SGCZ: variants seen among roughly 807,000 people sequenced by gnomAD.
SGCZ encodes sarcoglycan zeta.
SGCZ carries 40 observed loss-of-function variants against 41.3 expected under a neutral mutation model. That is an observed-to-expected ratio of 0.97 (90% CI 0.75 to 1.26). The LOEUF is 1.26. Ranked by LOEUF, SGCZ falls within the 50% of genes most tolerant of loss-of-function variation. SGCZ has a pLI of 0.00. For missense variants in SGCZ, 552 were observed against 369.8 expected (o/e 1.49, Z -4.04); for synonymous variants, 206 against 137.5 (o/e 1.50, Z -3.49).
intron 1 of SGCZ, among the ~76,000 whole-genome samples, chr8:14,702,030 CT>C (rs1809154447): frequency 6.6e-6 from 1 of 151,878 alleles, no homozygotes; most frequent in African/African-American, 2.4e-5. Flanking sequence ...CTGTCTCCAC[CT>C]TCTTCAGTCT....
At chr8:14,578,946 T>G (rs962420826) in intron 1 of SGCZ, among the ~76,000 whole-genome samples, 2 of 152,320 alleles carry the variant, frequency 1.3e-5, no homozygotes, top group South Asian at 2.1e-4. Flanking sequence ...TGTCGTTTAC[T>G]TTAGGATCTA....
intron 5 of SGCZ, among the ~76,000 whole-genome samples, chr8:14,120,841 G>C (rs989111478): frequency 6.6e-6 from 1 of 152,122 alleles, no homozygotes; most frequent in African/African-American, 2.4e-5. Flanking sequence ...CTATCCTAAA[G>C]TTAATAATTT....
intron 1 of SGCZ, among the ~76,000 whole-genome samples, chr8:15,103,010 A>G (rs1428885529): frequency 6.6e-6 from 1 of 152,196 alleles, no homozygotes; most frequent in African/African-American, 2.4e-5. Context: ...TAACAATATA[A>G]TGTAATATAA....
intron 2 of SGCZ, among the ~76,000 whole-genome samples, chr8:14,422,204 A>T (rs1178908571): frequency 6.6e-6 from 1 of 152,188 alleles, no homozygotes. Flanking sequence ...AATGAGATAA[A>T]CATTTTATTC....
At chr8:15,101,212 A>G (rs557609298) in intron 1 of SGCZ, among the ~76,000 whole-genome samples, 46 of 152,186 alleles carry the variant, frequency 3.0e-4, no homozygotes, top group South Asian at 4.1e-4. Context: ...GAACACACCA[A>G]ATGTATAATC....
At chr8:14,873,597 G>A (rs970546344) in intron 1 of SGCZ, among the ~76,000 whole-genome samples, 1 of 152,048 alleles carries the variant, frequency 6.6e-6, no homozygotes, top group Non-Finnish European at 1.5e-5. Context: ...ACTGTTCATG[G>A]ATGGACTTAA....
At chr8:14,735,641 C>T (rs927886460) in intron 1 of SGCZ, among the ~76,000 whole-genome samples, 12 of 152,138 alleles carry the variant, frequency 7.9e-5, no homozygotes, top group Admixed American at 7.9e-4. Flanking sequence ...TGCAGATGGC[C>T]TATAGTGAGA....
chr8:14,357,822 A>G (rs977608527), intron 2 of SGCZ, among the ~76,000 whole-genome samples: 1 of 152,148 alleles, frequency 6.6e-6, no homozygotes, highest in African/African-American at 2.4e-5. Flanking sequence ...AAAGTAGAGA[A>G]ACTGGTATTT....
At chr8:14,859,756 C>T (rs1016989364) in intron 1 of SGCZ, among the ~76,000 whole-genome samples, 1 of 151,974 alleles carries the variant, frequency 6.6e-6, no homozygotes, top group Non-Finnish European at 1.5e-5. Flanking sequence ...TGTAAGCCAG[C>T]GAAATATGAG....
chr8:15,091,104 GGTAGA>G (rs1224038916), intron 1 of SGCZ, among the ~76,000 whole-genome samples: 1 of 152,164 alleles, frequency 6.6e-6, no homozygotes. Context: ...TACTTGAACT[GGTAGA>G]GTAATCTTAA....
intron 1 of SGCZ, among the ~76,000 whole-genome samples, chr8:15,101,704 G>T (rs755725961): frequency 2.4e-4 from 37 of 152,160 alleles, no homozygotes; most frequent in African/African-American, 3.9e-4. Flanking sequence ...GATGAGGCAG[G>T]CAGATACTTG....
chr8:14,487,804 T>C (rs756242248), intron 2 of SGCZ: 2 of 151,434 alleles, frequency 1.3e-5, no homozygotes, highest in Non-Finnish European at 2.9e-5. Context: ...CAAATCTACA[T>C]GTCATCTTTG....
intron 2 of SGCZ, among the ~76,000 whole-genome samples, chr8:14,489,446 T>G (rs1801777275): frequency 6.6e-6 from 1 of 152,142 alleles, no homozygotes; most frequent in African/African-American, 2.4e-5. Context: ...CTTTTTTGCT[T>G]CAAAGAACAC....
At chr8:14,720,496 C>T (rs1013954102) in intron 1 of SGCZ, among the ~76,000 whole-genome samples, 4 of 152,098 alleles carry the variant, frequency 2.6e-5, no homozygotes, top group African/African-American at 7.2e-5. Flanking sequence ...AAACCTGTTA[C>T]AGCTCATCAT....
intron 3 of SGCZ, among the ~76,000 whole-genome samples, chr8:14,306,359 A>G (rs903990712): frequency 3.9e-5 from 6 of 152,348 alleles, no homozygotes; most frequent in South Asian, 2.1e-4. Flanking sequence ...TTGAAATAAC[A>G]TAAGAGATTA....
chr8:14,794,682 G>A (rs1801068321), intron 1 of SGCZ, among the ~76,000 whole-genome samples: 1 of 152,168 alleles, frequency 6.6e-6, no homozygotes, highest in African/African-American at 2.4e-5. Context: ...ATAGGGTCCA[G>A]ACTGAAAAGT....
At chr8:14,276,350 C>T (rs1800231709) in intron 3 of SGCZ, among the ~76,000 whole-genome samples, 1 of 152,084 alleles carries the variant, frequency 6.6e-6, no homozygotes, top group Non-Finnish European at 1.5e-5. Context: ...TTTGCATTCT[C>T]ATTGCTTAGC....
intron 4 of SGCZ, among the ~76,000 whole-genome samples, chr8:14,212,753 T>C (rs1302953066): frequency 6.6e-6 from 1 of 152,068 alleles, no homozygotes. Flanking sequence ...ATGAATTAGA[T>C]GTAGGAATGA....
chr8:14,639,471 C>A (rs769138013), intron 1 of SGCZ, among the ~76,000 whole-genome samples: 17 of 151,580 alleles, frequency 1.1e-4, no homozygotes, highest in Non-Finnish European at 2.1e-4. Context: ...GGGGATAAAT[C>A]AAATCACTCT....
Sources: gnomAD v4.1 joint callset for allele counts (sites outside exome capture counted in the v4.1 genomes callset) on GRCh38, gnomAD v4.1.1 for gene constraint, MANE v1.5 for transcripts, NCBI Gene and HGNC (gene_info 2026-07-23, HGNC 2026-07-21) for gene names.